Variants in TESPA1 observed in about 807,000 individuals in gnomAD.
The protein encoded by TESPA1 is thymocyte expressed, positive selection associated 1.
Under a neutral mutation model 57.9 loss-of-function variants are expected in TESPA1, and 33 were observed. The observed-to-expected ratio is 0.57, with a 90% CI of 0.43 to 0.76. The LOEUF (loss-of-function observed/expected upper bound fraction) is 0.76, where lower values mean the gene tolerates loss of function less well. Ranked by LOEUF, TESPA1 falls within the 30% of genes least tolerant of loss-of-function variation. The pLI, the probability that TESPA1 is intolerant of heterozygous loss-of-function variation, is 0.00. For missense variants in TESPA1, 618 were observed against 632.9 expected (o/e 0.98, Z 0.25); for synonymous variants, 227 against 228.9 (o/e 0.99, Z 0.07).
Position 54,974,407 on chromosome 12 carries a change from G to A in TESPA1, c.156C>T (p.Phe52=), listed in dbSNP as rs962221070. 1 of 1,604,198 alleles carries A rather than the reference G, an allele frequency of 6.2e-7. No homozygotes were observed. Among genetic ancestry groups the A allele is most frequent in the East Asian group, 2.2e-5 (1 of 44,610 alleles). The change falls in exon 2 of 11, where the codon TTC becomes TTT. Residue 52 remains phenylalanine, a synonymous_variant. Transcript: ENST00000449076. ...DPEPSSLDDV[F]QEGNPINKIE... Reference sequence around the variant, plus strand: ...CTGATGTTCGTCTCTTACCTTCTTGGAAAACGTCATCCAGGCTGGAAGGCT... The same window carrying A: ...CTGATGTTCGTCTCTTACCTTCTTGAAAAACGTCATCCAGGCTGGAAGGCT...
chr12:54,969,045 ATG>A (rs112377819), intron 3 of TESPA1, among the ~76,000 whole-genome samples: 6 of 115,806 alleles, frequency 5.2e-5, no homozygotes, highest in Non-Finnish European at 9.7e-5. Context: ...ATATATATAT[ATG>A]TGTGTGTGTA....
At chr12:54,969,021 G>GTGTGTGTATATA (rs370590552) in intron 3 of TESPA1, among the ~76,000 whole-genome samples, 66 of 83,668 alleles carry the variant, frequency 7.9e-4, no homozygotes, top group African/African-American at 2.7e-3. Flanking sequence ...ATTTATATAT[G>GTGTGTGTATATA]TATATATATA....
At chr12:54,960,949 G>C (rs1222041223) in intron 10 of TESPA1, among the ~76,000 whole-genome samples, 1 of 152,164 alleles carries the variant, frequency 6.6e-6, no homozygotes, top group Non-Finnish European at 1.5e-5. Context: ...CCAGGTGATT[G>C]TGATGCCTGC....
chr12:54,984,550 T>C (rs977608219), intron 1 of TESPA1, 35 bp downstream of exon 1: 2 of 152,218 alleles, frequency 1.3e-5, no homozygotes, highest in Non-Finnish European at 2.9e-5. Context: ...CCTAAATCAG[T>C]ACAGCCTTGA....
At chr12:54,959,415 C>A (rs1214550768) in intron 10 of TESPA1, among the ~76,000 whole-genome samples, 1 of 152,244 alleles carries the variant, frequency 6.6e-6, no homozygotes, top group Non-Finnish European at 1.5e-5. Flanking sequence ...TTTCTCCCGC[C>A]CCCTGCGGGA....
At chr12:54,970,809 G>A (rs188200173) in intron 3 of TESPA1, among the ~76,000 whole-genome samples, 180 of 152,266 alleles carry the variant, frequency 1.2e-3, no homozygotes, top group Middle Eastern at 3.4e-3. Flanking sequence ...AGGGAGGAGG[G>A]GTTGGATTGT....
At chr12:54,955,990 G>A (rs1340116645) in intron 10 of TESPA1, among the ~76,000 whole-genome samples, 1 of 151,942 alleles carries the variant, frequency 6.6e-6, no homozygotes, top group Non-Finnish European at 1.5e-5. Flanking sequence ...TATAAAATGG[G>A]GAATAATGAA....
rs143769166 is a variant in TESPA1 at position 54,970,831 on chromosome 12, T to C, written c.206+2646A>G. 3.3e-3 allele frequency among the ~76,000 whole-genome samples: 510 copies of C among 152,318 alleles called. 5 individuals are homozygous for C. The highest frequency in any genetic ancestry group is 3.5e-3 in the Non-Finnish European group (241 of 68,022). On this transcript the variant is annotated intron_variant, in intron 3 of 10. Coordinates refer to ENST00000449076, the MANE Select transcript of TESPA1 (RefSeq NM_001136030.3). ...AGGGGTTGGATTGTGGGAAGAAGTA[T>C]ATGGCTATTTTTAGCTTCTTCTAGA... is the stretch of plus-strand genomic sequence containing the variant.
At chr12:54,966,570 T>C in intron 5 of TESPA1, 146 bp from the exon 6 acceptor site, 2 of 873,494 alleles carry the variant, frequency 2.3e-6, no homozygotes, top group Admixed American at 2.8e-5. Flanking sequence ...TCTGCACTTC[T>C]TGGGGCCTCA....
chr12:54,961,939 A>C (rs1297442353), intron 9 of TESPA1, among the ~76,000 whole-genome samples: 1 of 152,200 alleles, frequency 6.6e-6, no homozygotes, highest in Non-Finnish European at 1.5e-5. Flanking sequence ...GGGCACTGGA[A>C]GATAAGGGAA....
intron 10 of TESPA1, among the ~76,000 whole-genome samples, chr12:54,958,325 T>C (rs1360911397): frequency 6.6e-6 from 1 of 152,232 alleles, no homozygotes; most frequent in East Asian, 1.9e-4. Flanking sequence ...AGAACCTACT[T>C]GTGGAGTATA....
chr12:54,960,069 A>G (rs1950980924), intron 10 of TESPA1, among the ~76,000 whole-genome samples: 1 of 152,206 alleles, frequency 6.6e-6, no homozygotes, highest in African/African-American at 2.4e-5. Flanking sequence ...TAACTAAGAA[A>G]ACAATTAGAC....
At chr12:54,961,106 C>T in intron 10 of TESPA1, 62 bp downstream of exon 10, 1 of 1,583,858 alleles carries the variant, frequency 6.3e-7, no homozygotes, top group South Asian at 1.1e-5. Flanking sequence ...AAAAAAAAAC[C>T]TTCCTCATTT....
intron 1 of TESPA1, among the ~76,000 whole-genome samples, chr12:54,976,899 C>T (rs1555207769): frequency 2.0e-5 from 3 of 152,114 alleles, no homozygotes; most frequent in Non-Finnish European, 4.4e-5. Context: ...ATACTTACCT[C>T]TTTTTTTAAC....
intron 1 of TESPA1, among the ~76,000 whole-genome samples, chr12:54,979,439 C>G (rs1952237893): frequency 6.6e-6 from 1 of 152,190 alleles, no homozygotes; most frequent in African/African-American, 2.4e-5. Context: ...TGAATCCGCC[C>G]AAACCCTCAT....
intron 1 of TESPA1, among the ~76,000 whole-genome samples, chr12:54,976,794 A>G (rs1952154738): frequency 6.6e-6 from 1 of 152,212 alleles, no homozygotes; most frequent in Non-Finnish European, 1.5e-5. Flanking sequence ...GGGGGTTTCA[A>G]CGTCCTCTGT....
In TESPA1 at chr12:54,978,781, G is replaced by A. The variant is rs182447737; in HGVS notation, c.-45-4174C>T. 1.8e-3 allele frequency among the ~76,000 whole-genome samples: 270 copies of A among 152,158 alleles called. 1 individual carries two copies. Among genetic ancestry groups the A allele is most frequent in the African/African-American group, 5.7e-3 (238 of 41,498 alleles). On this transcript the variant is annotated intron_variant, in intron 1 of 10. Coordinates refer to ENST00000449076, the MANE Select transcript of TESPA1 (RefSeq NM_001136030.3). The stretch of plus-strand genomic sequence containing the variant: ...AAACGAATTCTTTCTACCCTTTAAG[G>A]GCCTACTTAAGTCATCTCCTTTCTC...
In TESPA1 at chr12:54,972,596, G is replaced by T. The variant is rs149998515; in HGVS notation, c.206+881C>A. Among the ~76,000 whole-genome samples, 287 of 152,250 alleles carry T rather than the reference G, an allele frequency of 1.9e-3. 3 individuals carry two copies. The highest frequency in any genetic ancestry group is 6.3e-3 in the African/African-American group (262 of 41,548). The stretch of plus-strand genomic sequence containing the variant: ...TTTGAAATCAATGAATTATGAATAA[G>T]ATGAGGGCAATGAGAACAATAGGTT... On this transcript the variant is annotated intron_variant, in intron 3 of 10. Transcript: ENST00000449076.
chr12:54,952,404 A>C (rs1404750179), intron 10 of TESPA1, among the ~76,000 whole-genome samples: 2 of 152,266 alleles, frequency 1.3e-5, no homozygotes, highest in South Asian at 2.1e-4. Flanking sequence ...ATGTTCAGAT[A>C]TGAACTCATC....
Sources: allele counts gnomAD v4.1 joint callset (sites outside exome capture counted in the v4.1 genomes callset), GRCh38; gene constraint gnomAD v4.1.1; transcripts MANE v1.5; gene names NCBI Gene and HGNC (gene_info 2026-07-23, HGNC 2026-07-21).